Variants in COX7B2 observed in about 807,000 individuals in gnomAD.
COX7B2 encodes cytochrome c oxidase subunit 7B2.
For missense variants in COX7B2, 109 were observed against 95.9 expected, an observed-to-expected ratio of 1.14 and a Z score of -0.57; for synonymous variants, 37 against 32.1, an observed-to-expected ratio of 1.15 and a Z score of -0.51.
At chr4:46,804,226 T>A (rs902589738) in intron 2 of COX7B2, among the ~76,000 whole-genome samples, 16 of 152,094 alleles carry the variant, frequency 1.1e-4, no homozygotes, top group Non-Finnish European at 2.1e-4. Context: ...TTACAGCTCA[T>A]AAAGGTAGTG....
At chr4:46,766,585 C>T (rs1028420430) in intron 2 of COX7B2, among the ~76,000 whole-genome samples, 2 of 151,738 alleles carry the variant, frequency 1.3e-5, no homozygotes, top group South Asian at 4.2e-4. Context: ...GCCTGTAATC[C>T]CGGCTACTTG....
intron 1 of COX7B2, among the ~76,000 whole-genome samples, chr4:46,865,846 G>A (rs886086331): frequency 2.6e-5 from 4 of 152,224 alleles, no homozygotes; most frequent in Admixed American, 6.5e-5. Flanking sequence ...AAAATCTCAC[G>A]ACCATGTCTC....
At position 46,866,387 on chromosome 4, in the gene COX7B2, G is replaced by A. The variant is rs192707185; in HGVS notation, c.-104-21373C>T. 2.5e-3 allele frequency among the ~76,000 whole-genome samples: 386 copies of A among 152,246 alleles called. 2 individuals are homozygous for A. The highest frequency in any genetic ancestry group is 6.6e-3 in the South Asian group (32 of 4,824). ...TCTGTGGTTGATTGGAAAGAAATCC[G>A]ACCCTGCAACTAACTACTCCTGACT... On this transcript the variant is annotated intron_variant, in intron 1 of 2. Coordinates refer to ENST00000355591, the MANE Select transcript of COX7B2 (RefSeq NM_130902.3).
At position 46,880,993 on chromosome 4, in the gene COX7B2, T is replaced by TAAAAAAA. The variant is rs1215385422; in HGVS notation, c.-105+28160_-105+28166dup. Among the ~76,000 whole-genome samples, 674 of 102,714 alleles carry TAAAAAAA rather than the reference T, an allele frequency of 6.6e-3. 10 individuals carry two copies. The highest frequency in any genetic ancestry group is 0.023 in the African/African-American group (632 of 27,938). 67.4% of individuals were successfully genotyped at this position (102,714 alleles called of 152,430 possible). ...ATGTACCCTAAAACTTAGAGTATAA[T>TAAAAAAA]AAAAAAAAAAAAAAAAAACTCTTGG... On this transcript the variant is annotated intron_variant, in intron 1 of 2. Transcript: ENST00000355591.
intron 1 of COX7B2, among the ~76,000 whole-genome samples, chr4:46,853,098 T>C (rs1035430811): frequency 1.3e-5 from 2 of 152,132 alleles, no homozygotes; most frequent in Non-Finnish European, 2.9e-5. Flanking sequence ...TATGCATTGA[T>C]TGATTGATTG....
intron 1 of COX7B2, among the ~76,000 whole-genome samples, chr4:46,869,909 A>G (rs1290260092): frequency 6.6e-6 from 1 of 151,994 alleles, no homozygotes; most frequent in Non-Finnish European, 1.5e-5. Flanking sequence ...CCTGAATTTG[A>G]CTGTTGGCCT....
intron 1 of COX7B2, among the ~76,000 whole-genome samples, chr4:46,896,760 A>G (rs2109884542): frequency 6.6e-6 from 1 of 152,332 alleles, no homozygotes; most frequent in Admixed American, 6.5e-5. Flanking sequence ...AGCAACAGGC[A>G]CCCTCTGCTT....
intron 2 of COX7B2, among the ~76,000 whole-genome samples, chr4:46,801,992 G>A (rs1718683268): frequency 6.6e-6 from 1 of 152,094 alleles, no homozygotes; most frequent in Admixed American, 6.5e-5. Context: ...AGACACAATA[G>A]CCTCTAGACA....
intron 2 of COX7B2, among the ~76,000 whole-genome samples, chr4:46,789,475 T>A (rs1354466667): frequency 6.6e-6 from 1 of 152,210 alleles, no homozygotes; most frequent in Non-Finnish European, 1.5e-5. Context: ...TTGAGTTGTC[T>A]GTTAATTTCA....
intron 2 of COX7B2, among the ~76,000 whole-genome samples, chr4:46,803,368 T>G (rs554368852): frequency 6.6e-6 from 1 of 152,222 alleles, no homozygotes; most frequent in East Asian, 1.9e-4. Flanking sequence ...ATAAAAAATT[T>G]GGGATATAAT....
chr4:46,898,242 C>T (rs1227885798), intron 1 of COX7B2, among the ~76,000 whole-genome samples: 1 of 152,174 alleles, frequency 6.6e-6, no homozygotes, highest in Non-Finnish European at 1.5e-5. Context: ...CTCAAGCTAT[C>T]TCGGAATTAA....
chr4:46,787,998 C>T (rs1717840881), intron 2 of COX7B2, among the ~76,000 whole-genome samples: 2 of 152,126 alleles, frequency 1.3e-5, no homozygotes, highest in Admixed American at 6.5e-5. Context: ...TCCTCTATAG[C>T]TTTCTTGTAT....
At chr4:46,793,584 G>A (rs115155441) in intron 2 of COX7B2, among the ~76,000 whole-genome samples, 1,679 of 152,278 alleles carry the variant, frequency 0.011, 20 homozygotes, top group Middle Eastern at 0.041. Flanking sequence ...AGAAAAGGAT[G>A]AGCTCACGGA....
chr4:46,874,305 A>G (rs564853555), intron 1 of COX7B2, among the ~76,000 whole-genome samples: 2 of 152,356 alleles, frequency 1.3e-5, no homozygotes, highest in South Asian at 4.1e-4. Flanking sequence ...GTTATTTTTA[A>G]GAACCACAAA....
chr4:46,906,063 T>G (rs1459885598), intron 1 of COX7B2, among the ~76,000 whole-genome samples: 1 of 151,760 alleles, frequency 6.6e-6, no homozygotes, highest in Non-Finnish European at 1.5e-5. Flanking sequence ...TCTCCTGACC[T>G]CATGATCCAC....
In COX7B2 at chr4:46,752,973, G is replaced by A. The variant is rs1477058747; in HGVS notation, c.-49-17732C>T. On this transcript the variant is annotated intron_variant, in intron 2 of 2. Coordinates refer to ENST00000355591, the MANE Select transcript of COX7B2 (RefSeq NM_130902.3). ...GAGTCCCTCTTTTTCTATTGATTGG[G>A]ATAGTTTCAGAAGGAATGGTACCAG... is the stretch of plus-strand genomic sequence containing the variant. Among the ~76,000 whole-genome samples, 6 of 152,162 alleles carry A rather than the reference G, an allele frequency of 3.9e-5. No homozygotes were observed. In the East Asian group the frequency reaches 1.2e-3, roughly 29 times the overall value.
At chr4:46,803,979 A>C (rs73141212) in intron 2 of COX7B2, among the ~76,000 whole-genome samples, 1 of 152,022 alleles carries the variant, frequency 6.6e-6, no homozygotes, top group Non-Finnish European at 1.5e-5. Context: ...GGACCCTTGC[A>C]GTGTTACAGT....
chr4:46,813,678 A>T (rs1464588905), intron 2 of COX7B2, among the ~76,000 whole-genome samples: 1 of 152,188 alleles, frequency 6.6e-6, no homozygotes, highest in Admixed American at 6.5e-5. Context: ...CCTATGTAAC[A>T]AATCTGCACA....
At chr4:46,833,238 C>G (rs1715282607) in intron 2 of COX7B2, among the ~76,000 whole-genome samples, 1 of 152,048 alleles carries the variant, frequency 6.6e-6, no homozygotes, top group African/African-American at 2.4e-5. Context: ...TATAAATTAC[C>G]CAACCTCAGA....
Sources: gnomAD v4.1 joint callset for allele counts (sites outside exome capture counted in the v4.1 genomes callset) on GRCh38, gnomAD v4.1.1 for gene constraint, MANE v1.5 for transcripts, NCBI Gene and HGNC (gene_info 2026-07-23, HGNC 2026-07-21) for gene names.